FPR2: variants seen among roughly 807,000 people sequenced by gnomAD.
FPR2 encodes the protein formyl peptide receptor 2.
Under a neutral mutation model 4.0 loss-of-function variants are expected in FPR2, and 3 were observed. The observed-to-expected ratio is 0.74, with a 90% CI of 0.34 to 1.92. The LOEUF is 1.92. Among genes scored for constraint, FPR2 ranks in the 30% most tolerant of loss-of-function variants. FPR2 has a pLI of 0.07. For synonymous variants in FPR2, 179 were observed against 171.5 expected (o/e 1.04, Z -0.34); for missense variants, 372 against 435.7 (o/e 0.85, Z 1.30).
In FPR2 at chr19:51,769,845, T is replaced by A; in HGVS notation, c.*131T>A. ...AGTATTTATTCAGGAAAAATGCTTT[T>A]GTGTCCCTGATTTGGGGCTAAGAAA... On this transcript the variant is annotated 3_prime_UTR_variant, in exon 2 of 2. Transcript: ENST00000340023. This position sits in a 1 kb window ranked among gnomAD's most constrained non-coding sequence, Gnocchi z 4.4. 1 of 756,242 alleles carries A rather than the reference T, an allele frequency of 1.3e-6. No homozygotes were observed. Among genetic ancestry groups the A allele is most frequent in the Non-Finnish European group, 2.2e-6 (1 of 463,446 alleles). The allele number at this position is 756,242 out of a possible 1,614,324, so 46.8% of individuals were successfully genotyped here.
chr19:51,761,701 G>A (rs1159253167), intron 1 of FPR2, among the ~76,000 whole-genome samples: 3 of 152,152 alleles, frequency 2.0e-5, no homozygotes, highest in Admixed American at 1.3e-4. Context: ...GCTGAGGCAG[G>A]AGAATCGCTT....
rs2083893730 is a variant in FPR2, at chr19:51,770,313, TA to T, written c.*600del. ...ACACTTAGTCCTGATGTACTTTAAA[TA>T]TTTATATCTCACAGGAGTTGGTTAG... is the stretch of plus-strand genomic sequence containing the variant. On this transcript the variant is annotated 3_prime_UTR_variant, in exon 2 of 2. Transcript: ENST00000340023. 1 of 167,312 alleles carries T rather than the reference TA, an allele frequency of 6.0e-6. No individual in the cohort carries two copies. Among genetic ancestry groups the T allele is most frequent in the Non-Finnish European group, 1.5e-5 (1 of 68,170 alleles). 10.4% of individuals were successfully genotyped at this position (167,312 alleles called of 1,614,324 possible).
intron 1 of FPR2, among the ~76,000 whole-genome samples, chr19:51,765,461 C>T (rs922337173): frequency 2.0e-5 from 3 of 152,186 alleles, no homozygotes; most frequent in South Asian, 2.1e-4. Flanking sequence ...TACTTTTGCA[C>T]CAACCTAATA....
At chr19:51,768,597 G>A (rs2083880244) in intron 1 of FPR2, 48 bp from the exon 2 acceptor site, 4 of 1,438,320 alleles carry the variant, frequency 2.8e-6, no homozygotes, top group Non-Finnish European at 1.9e-6. Flanking sequence ...TACAGATGCT[G>A]TAAGATGGTT....
intron 1 of FPR2, among the ~76,000 whole-genome samples, chr19:51,761,713 A>G (rs1410170321): frequency 2.6e-5 from 4 of 152,146 alleles, no homozygotes. Flanking sequence ...GAATCGCTTG[A>G]ACCTAGGAGG....
chr19:51,768,920 G>A lies in FPR2; in HGVS notation c.262G>A (p.Gly88Arg). ...LPFLIVSMAM[G>R]EKWPFGWFLC... ...ATTCCTCATTGTCTCCATGGCCATG[G>A]GAGAAAAATGGCCTTTTGGCTGGTT... The change falls in exon 2 of 2, where the codon GGA becomes AGA. Residue 88 changes from glycine (G) to arginine (R), a missense_variant. Transcript: ENST00000340023. The A allele has an allele frequency of 6.2e-7, 1 of 1,614,142 alleles. No homozygotes were observed. Among genetic ancestry groups the A allele is most frequent in the Non-Finnish European group, 8.5e-7 (1 of 1,180,018 alleles).
At chr19:51,767,794 G>A (rs564372072) in intron 1 of FPR2, among the ~76,000 whole-genome samples, 1 of 152,174 alleles carries the variant, frequency 6.6e-6, no homozygotes, top group South Asian at 2.1e-4. Context: ...TAGAAGTAAT[G>A]AATATTACAT....
Position 51,768,983 on chromosome 19 carries a change from C to T in FPR2, c.325C>T (p.Leu109Phe). ...AATTCACATCGTGGTGGACATCAAC[C>T]TCTTTGGAAGTGTCTTCTTGATTGG... ...KLIHIVVDIN[L>F]FGSVFLIGFI... is the part of the protein sequence containing the mutation. Residue 109 changes from leucine to phenylalanine, a missense_variant, in exon 2 of 2, where the codon CTC becomes TTC. By Grantham distance (22) the Leu-to-Phe change is conservative (BLOSUM62 0). Transcript: ENST00000340023. The T allele has an allele frequency of 1.2e-6, 2 of 1,614,178 alleles. No homozygotes were observed. The highest frequency in any genetic ancestry group is 1.7e-6 in the Non-Finnish European group (2 of 1,180,024).
intron 1 of FPR2, 140 bp from the exon 2 acceptor site, chr19:51,768,505 C>A: frequency 1.5e-6 from 1 of 671,018 alleles, no homozygotes; most frequent in East Asian, 2.7e-5. Context: ...TTCTATAGCA[C>A]CGTTGTCAAC....
intron 1 of FPR2, among the ~76,000 whole-genome samples, chr19:51,762,153 T>C (rs1328060413): frequency 6.7e-6 from 1 of 149,810 alleles, no homozygotes; most frequent in East Asian, 2.0e-4. Context: ...TGGCGCAGTC[T>C]CGGCTCACTG....
At chr19:51,767,348 G>A (rs1192783940) in intron 1 of FPR2, among the ~76,000 whole-genome samples, 2 of 152,244 alleles carry the variant, frequency 1.3e-5, no homozygotes, top group Non-Finnish European at 1.5e-5. Flanking sequence ...CCGGACCAGA[G>A]GCAGGGACTA....
chr19:51,768,830 A>C lies in FPR2; in HGVS notation c.172A>C (p.Thr58Pro), dbSNP rs758222403. Residue 58 changes from threonine (T) to proline (P), a missense_variant, in exon 2 of 2, where the codon ACA becomes CCA. Thr to Pro is a conservative substitution (Grantham distance 38). Coordinates refer to ENST00000340023, the MANE Select transcript of FPR2 (RefSeq NM_001005738.2). ...IWVAGFRMTR[T>P]VTTICYLNLA... is the part of the protein sequence containing the mutation. ...GGTGGCTGGATTCCGGATGACACGCACAGTCACCACCATCTGTTACCTGAA... is the reference window on the plus strand; with the variant it reads ...GGTGGCTGGATTCCGGATGACACGCCCAGTCACCACCATCTGTTACCTGAA... The C allele has an allele frequency of 1.2e-5, 19 of 1,614,052 alleles. 2 individuals carry two copies. The South Asian group carries it at 2.0e-4, about 17-fold the overall frequency.
At chr19:51,761,683 C>T (rs1002301745) in intron 1 of FPR2, among the ~76,000 whole-genome samples, 2 of 152,164 alleles carry the variant, frequency 1.3e-5, no homozygotes, top group African/African-American at 2.4e-5. Context: ...ATCCCAGCTA[C>T]TCAGGAGGCT....
chr19:51,767,918 C>T (rs55839429), intron 1 of FPR2, among the ~76,000 whole-genome samples: 12,043 of 152,068 alleles, frequency 0.079, 586 homozygotes, highest in South Asian at 0.17. Flanking sequence ...GTCTTTATCC[C>T]ACAGACACCA....
At chr19:51,768,436 A>G (rs2083879594) in intron 1 of FPR2, 1 of 534,716 alleles carries the variant, frequency 1.9e-6, no homozygotes, top group African/African-American at 1.9e-5. Context: ...ATGCATATTG[A>G]TAATGATGGG....
intron 1 of FPR2, among the ~76,000 whole-genome samples, chr19:51,766,567 A>C (rs1311751101): frequency 1.3e-5 from 2 of 152,248 alleles, no homozygotes; most frequent in Non-Finnish European, 1.5e-5. Context: ...CACCAGACTG[A>C]GGCATAGCCC....
intron 1 of FPR2, among the ~76,000 whole-genome samples, chr19:51,762,085 C>CTTTT (rs373394742): frequency 7.7e-6 from 1 of 129,942 alleles, no homozygotes; most frequent in African/African-American, 2.8e-5. Context: ...TTTATTGGAC[C>CTTTT]TTTTTTTTTT....
intron 1 of FPR2, among the ~76,000 whole-genome samples, chr19:51,767,169 T>C (rs1299309995): frequency 1.3e-5 from 2 of 152,140 alleles, no homozygotes; most frequent in Non-Finnish European, 2.9e-5. Context: ...AATGAGAACA[T>C]GTGGTATTTG....
rs199737333 is a variant in FPR2 at position 51,769,411 on chromosome 19, C to G, written c.753C>G (p.Phe251Leu). 73 of 1,614,238 alleles carry G rather than the reference C, an allele frequency of 4.5e-5. No individual in the cohort carries two copies. The Admixed American group carries it at 6.7e-4, about 15-fold the overall frequency. ...TCACTGCTGTGGTGGCTTCTTTCTT[C>G]ATCTGTTGGTTTCCCTTTCAACTGG... The part of the protein sequence containing the change: ...RVLTAVVASF[F>L]ICWFPFQLVA... Residue 251 changes from phenylalanine to leucine, a missense_variant, in exon 2 of 2, where the codon TTC (phenylalanine) becomes TTG (leucine). Transcript: ENST00000340023. The surrounding 1 kb of genome is among the most constrained non-coding windows in gnomAD (Gnocchi z 4.4).
Sources: allele counts gnomAD v4.1 joint callset (sites outside exome capture counted in the v4.1 genomes callset), GRCh38; gene constraint gnomAD v4.1.1; non-coding constraint Gnocchi (gnomAD v3.1); transcripts MANE v1.5; gene names NCBI Gene and HGNC (gene_info 2026-07-23, HGNC 2026-07-21).